Variants in ZNF253 observed in about 807,000 individuals in gnomAD.
ZNF253 encodes the protein DNA-binding protein.
A neutral mutation model predicts 11.9 loss-of-function variants in ZNF253; 8 were observed. The ratio of observed to expected loss-of-function variants is 0.67; its 90% CI spans 0.40 to 1.22. The LOEUF is 1.22. Ranked by LOEUF, ZNF253 falls within the 50% of genes most tolerant of loss-of-function variation. The pLI is 0.01. For synonymous variants in ZNF253, 194 were observed against 194.9 expected (o/e 1.00, Z 0.04); for missense variants, 485 against 586.9 (o/e 0.83, Z 1.79).
In ZNF253 at chr19:19,891,841, A is replaced by G; in HGVS notation, c.594A>G (p.Lys198=). Residue 198 remains lysine (K), a synonymous_variant, in exon 4 of 4, where the codon AAA becomes AAG. Coordinates refer to ENST00000589717, the MANE Select transcript of ZNF253 (RefSeq NM_021047.3). Reference sequence around the variant, plus strand: ...ATAAGAAAATTCATACTGGAGAGAAACCTTACAGATGTGAAGAATGTGGCA... The same window carrying G: ...ATAAGAAAATTCATACTGGAGAGAAGCCTTACAGATGTGAAGAATGTGGCA... ...TTHKKIHTGE[K]PYRCEECGKA... The G allele has an allele frequency of 6.2e-7, 1 of 1,614,146 alleles. No individual in the cohort carries two copies. The highest frequency in any genetic ancestry group is 8.5e-7 in the Non-Finnish European group (1 of 1,180,006).
chr19:19,869,659 C>T (rs1298009774), intron 1 of ZNF253, among the ~76,000 whole-genome samples: 1 of 128,770 alleles, frequency 7.8e-6, no homozygotes, highest in Admixed American at 8.1e-5. Flanking sequence ...CCATGCCTGG[C>T]CTTTTTTTTT....
chr19:19,875,146 T>G (rs1318533304), intron 1 of ZNF253, among the ~76,000 whole-genome samples: 1 of 152,162 alleles, frequency 6.6e-6, no homozygotes, highest in African/African-American at 2.4e-5. Context: ...TTTTGGCTGG[T>G]GAATCCTGCT....
rs1568502579 is a variant in ZNF253, at chr19:19,892,771, GAATGT to G, written c.*25_*29del. 3.2e-6 allele frequency: 5 copies of G among 1,546,952 alleles called. No homozygotes were observed. The highest frequency in any genetic ancestry group is 1.7e-6 in the Non-Finnish European group (2 of 1,150,232). The stretch of plus-strand genomic sequence containing the variant: ...AATTCATACTGGAGAGAAACCCTAT[GAATGT>G]GATGAATGTGGGAAAGCCTTTAACC... On this transcript the variant is annotated 3_prime_UTR_variant, in exon 4 of 4. Coordinates refer to ENST00000589717, the MANE Select transcript of ZNF253 (RefSeq NM_021047.3).
In ZNF253 at chr19:19,891,630, G is replaced by T. The variant is rs75543118; in HGVS notation, c.383G>T (p.Gly128Val). 0.03 allele frequency: 48,832 copies of T among 1,613,954 alleles called. 1,722 individuals are homozygous for T. Among genetic ancestry groups the T allele is most frequent in the East Asian group, 0.17 (7,465 of 44,832 alleles). The change falls in exon 4 of 4, where the codon GGT becomes GTT. Residue 128 changes from glycine to valine, a missense_variant. Coordinates refer to ENST00000589717, the MANE Select transcript of ZNF253 (RefSeq NM_021047.3). ...GGTGAGCATAAGGTGCACAAAGGAG[G>T]TTATAATGGACTTAACCAATGTTTG... Reference protein sequence around the residue: ...SVGEHKVHKGGYNGLNQCLTT... With the variant: ...SVGEHKVHKGVYNGLNQCLTT...
chr19:19,882,538 G>T (rs2063182117), intron 3 of ZNF253, among the ~76,000 whole-genome samples: 1 of 152,118 alleles, frequency 6.6e-6, no homozygotes, highest in Admixed American at 6.6e-5. Flanking sequence ...AAGGAGCTGG[G>T]ATTACAGATG....
At chr19:19,885,847 A>C (rs2067445930) in intron 3 of ZNF253, among the ~76,000 whole-genome samples, 1 of 152,140 alleles carries the variant, frequency 6.6e-6, no homozygotes, top group South Asian at 2.1e-4. Flanking sequence ...TGAACAATGA[A>C]ATTTTTTGAC....
At chr19:19,880,270 G>C (rs73530903) in intron 3 of ZNF253, 124 bp downstream of exon 3, 16,751 of 496,340 alleles carry the variant, frequency 0.034, 1,303 homozygotes, top group African/African-American at 0.24. Context: ...GTCCTGGGCA[G>C]CTGTTTTTTT....
intron 1 of ZNF253, among the ~76,000 whole-genome samples, chr19:19,875,807 G>A (rs1412280513): frequency 2.6e-5 from 4 of 152,032 alleles, no homozygotes; most frequent in African/African-American, 7.2e-5. Context: ...AAAATGCTGG[G>A]CCCTTTATCT....
intron 1 of ZNF253, among the ~76,000 whole-genome samples, chr19:19,872,692 T>A (rs1254421449): frequency 6.6e-6 from 1 of 151,450 alleles, no homozygotes; most frequent in East Asian, 1.9e-4. Context: ...CCAATCCTCT[T>A]ATAACTGCTG....
At chr19:19,876,393 T>C (rs894229836) in intron 1 of ZNF253, among the ~76,000 whole-genome samples, 1 of 152,096 alleles carries the variant, frequency 6.6e-6, no homozygotes, top group African/African-American at 2.4e-5. Context: ...TTGGGTTTGG[T>C]AGGGATAGGT....
At chr19:19,890,408 TA>T (rs1191294329) in intron 3 of ZNF253, among the ~76,000 whole-genome samples, 1 of 152,052 alleles carries the variant, frequency 6.6e-6, no homozygotes, top group Non-Finnish European at 1.5e-5. Context: ...AGCCGGTGTC[TA>T]AAAAAGTTCA....
rs1438383426 is a variant in ZNF253, at chr19:19,892,682, C to A, written c.1435C>A (p.Pro479Thr). Residue 479 changes from proline to threonine, a missense_variant, in exon 4 of 4, where the codon CCC becomes ACC. This residue lies in a region of ZNF253 where 232 missense variants were observed against 321.4 expected (regional missense o/e 0.72). Coordinates refer to ENST00000589717, the MANE Select transcript of ZNF253 (RefSeq NM_021047.3). ...KHKKIHIERK[P>T]YIVKNVTDLL... ...TAAGAAAATTCATATTGAACGAAAA[C>A]CCTACATAGTGAAGAATGTGACAGA... 1 of 1,610,598 alleles carries A rather than the reference C, an allele frequency of 6.2e-7. No individual in the cohort carries two copies. Among genetic ancestry groups the A allele is most frequent in the East Asian group, 2.2e-5 (1 of 44,838 alleles).
At chr19:19,872,499 G>A (rs2063137542) in intron 1 of ZNF253, among the ~76,000 whole-genome samples, 2 of 141,184 alleles carry the variant, frequency 1.4e-5, no homozygotes, top group African/African-American at 5.9e-5. Flanking sequence ...ATTGTCACAG[G>A]TAGCTATAAA....
Position 19,893,153 on chromosome 19 carries a change from T to A in ZNF253, c.*406T>A, listed in dbSNP as rs561159944. ...ACACCACGCCTGGCTAATTTTTGGA[T>A]TTTTAGTAGAGATGGGGTTTCACAA... On this transcript the variant is annotated 3_prime_UTR_variant, in exon 4 of 4. Transcript: ENST00000589717. 5.8e-6 allele frequency: 1 copy of A among 171,166 alleles called. No individual in the cohort carries two copies. The highest frequency in any genetic ancestry group is 1.4e-4 in the South Asian group (1 of 7,392). 10.6% of individuals were successfully genotyped at this position (171,166 alleles called of 1,614,324 possible).
In ZNF253 at chr19:19,891,744, A is replaced by G. The variant is rs781148602; in HGVS notation, c.497A>G (p.His166Arg). ...AATTCAAACACATATAAGACAAGAC[A>G]TACTGGAATAAATCTTTTCAAATGT... ...FSNSNTYKTR[H>R]TGINLFKCII... Residue 166 changes from histidine to arginine, a missense_variant, in exon 4 of 4, where the codon CAT becomes CGT. His to Arg is a conservative substitution (Grantham distance 29). Transcript: ENST00000589717. The G allele has an allele frequency of 3.0e-5, 48 of 1,614,014 alleles. No individual in the cohort carries two copies. The highest frequency in any genetic ancestry group is 3.9e-5 in the Non-Finnish European group (46 of 1,180,004).
chr19:19,885,349 TC>T (rs1568499288), intron 3 of ZNF253, among the ~76,000 whole-genome samples: 2 of 66,830 alleles, frequency 3.0e-5, no homozygotes, highest in Non-Finnish European at 4.7e-5. Context: ...TTTCTTTCTT[TC>T]TTTCTTCCTT....
chr19:19,886,749 A>G (rs549012620), intron 3 of ZNF253, among the ~76,000 whole-genome samples: 383 of 152,360 alleles, frequency 2.5e-3, no homozygotes, highest in Non-Finnish European at 4.3e-3. Context: ...ACAGTCTGCC[A>G]AACTGTGAGC....
chr19:19,881,298 GTTTGT>G (rs1482754184), intron 3 of ZNF253, among the ~76,000 whole-genome samples: 3 of 151,870 alleles, frequency 2.0e-5, no homozygotes, highest in African/African-American at 7.2e-5. Context: ...TTATCAGATA[GTTTGT>G]TTTAAGTGTA....
At chr19:19,875,395 T>TCTTG (rs2063150833) in intron 1 of ZNF253, among the ~76,000 whole-genome samples, 1 of 149,452 alleles carries the variant, frequency 6.7e-6, no homozygotes, top group South Asian at 2.1e-4. Flanking sequence ...TTAAACTCTT[T>TCTTG]CTTTCTTTCT....
Sources: allele counts gnomAD v4.1 joint callset (sites outside exome capture counted in the v4.1 genomes callset), GRCh38; gene constraint gnomAD v4.1.1; regional missense constraint gnomAD v4.1.1; transcripts MANE v1.5; gene names NCBI Gene and HGNC (gene_info 2026-07-23, HGNC 2026-07-21).